Variants in NRG1 observed in about 807,000 individuals in gnomAD.
The protein encoded by NRG1 is neuregulin 1, also known as pro-neuregulin-1, membrane-bound isoform.
Under a neutral mutation model 63.8 loss-of-function variants are expected in NRG1, and 18 were observed. The observed-to-expected ratio is 0.28, with a 90% CI of 0.19 to 0.42. The LOEUF is 0.42. Among genes scored for constraint, NRG1 ranks in the 10% least tolerant of loss-of-function variants. The pLI is 1.00. For missense variants in NRG1, 762 were observed against 814.7 expected (o/e 0.94, Z 0.79); for synonymous variants, 302 against 301.3 (o/e 1.00, Z -0.02).
chr8:32,763,657 G>A lies in NRG1; in HGVS notation c.1260-91G>A, dbSNP rs1831105697. 4 of 1,285,232 alleles carry A rather than the reference G, an allele frequency of 3.1e-6. No individual in the cohort carries two copies. In the South Asian group the frequency reaches 6.0e-5, roughly 19 times the overall value. 79.6% of individuals were successfully genotyped at this position (1,285,232 alleles called of 1,614,324 possible). A position where few individuals can be genotyped will look rare whatever the true frequency, so the allele number is the denominator to read the frequency against. On this transcript the variant is annotated intron_variant, in intron 11 of 11. Coordinates refer to ENST00000356819, the Ensembl canonical transcript of NRG1. The stretch of plus-strand genomic sequence containing the variant: ...GAATAGAAATTCTCTGTTCTCTGAT[G>A]ATATAATACCGTGAACTCTGTCCCC...
chr8:31,665,796 C>T (rs1458097306), intron 1 of NRG1, among the ~76,000 whole-genome samples: 1 of 151,872 alleles, frequency 6.6e-6, no homozygotes. Context: ...GCGATATGAC[C>T]CAGGGCTCTC....
chr8:32,759,056 C>G (rs932821128), intron 9 of NRG1, among the ~76,000 whole-genome samples: 1 of 151,558 alleles, frequency 6.6e-6, no homozygotes, highest in Non-Finnish European at 1.5e-5. Flanking sequence ...AATGATGGGC[C>G]GTACATTGGA....
intron 1 of NRG1, among the ~76,000 whole-genome samples, chr8:31,982,408 A>T (rs747613551): frequency 2.9e-4 from 44 of 152,182 alleles, no homozygotes; most frequent in Non-Finnish European, 4.0e-4. Flanking sequence ...AGAAATTCTG[A>T]TCATTTAGAT....
chr8:31,858,480 C>T (rs1389619721), intron 1 of NRG1, among the ~76,000 whole-genome samples: 1 of 152,084 alleles, frequency 6.6e-6, no homozygotes, highest in Non-Finnish European at 1.5e-5. Flanking sequence ...GCAGCAACAA[C>T]AACAAACAAT....
chr8:31,964,570 C>A (rs1806008088), intron 1 of NRG1, among the ~76,000 whole-genome samples: 1 of 152,102 alleles, frequency 6.6e-6, no homozygotes, highest in East Asian at 1.9e-4. Flanking sequence ...GAGGCTGAGG[C>A]AGGAGGATCG....
chr8:31,648,548 T>C (rs1804530585), intron 1 of NRG1, among the ~76,000 whole-genome samples: 1 of 152,186 alleles, frequency 6.6e-6, no homozygotes. Context: ...CTATACCAAT[T>C]AAATTACAAC....
intron 1 of NRG1, among the ~76,000 whole-genome samples, chr8:31,969,114 G>T (rs1021252461): frequency 2.6e-5 from 4 of 152,204 alleles, no homozygotes; most frequent in African/African-American, 7.2e-5. Context: ...GACTTTTCCA[G>T]GAGTTTCCAC....
At chr8:32,043,013 T>A (rs916323650) in intron 1 of NRG1, among the ~76,000 whole-genome samples, 3 of 136,724 alleles carry the variant, frequency 2.2e-5, no homozygotes, top group African/African-American at 8.1e-5. Context: ...CAAACGTATA[T>A]AAACACCCTT....
rs768445005 is a variant in NRG1, at chr8:32,707,835, A to G, written c.503-20114A>G. Among the ~76,000 whole-genome samples, 217 of 152,120 alleles carry G rather than the reference A, an allele frequency of 1.4e-3. 3 individuals carry two copies. Among genetic ancestry groups the G allele is most frequent in the Non-Finnish European group, 2.2e-3 (150 of 67,904 alleles). On this transcript the variant is annotated intron_variant, in intron 5 of 11. Coordinates refer to ENST00000356819, the Ensembl canonical transcript of NRG1. ...ATGCTAGTCCAAACTTAAAAATAAGAATATTTAAGCCTGGTAAGCATCTTT... is the reference window on the plus strand; with the variant it reads ...ATGCTAGTCCAAACTTAAAAATAAGGATATTTAAGCCTGGTAAGCATCTTT...
chr8:32,452,201 A>G (rs1212080821), intron 1 of NRG1, among the ~76,000 whole-genome samples: 1 of 152,164 alleles, frequency 6.6e-6, no homozygotes, highest in Non-Finnish European at 1.5e-5. Flanking sequence ...ATAATAAGAC[A>G]ATGTTTGCCT....
At chr8:31,978,007 G>A (rs940056205) in intron 1 of NRG1, among the ~76,000 whole-genome samples, 6 of 151,928 alleles carry the variant, frequency 3.9e-5, no homozygotes, top group African/African-American at 1.4e-4. Flanking sequence ...TTAAGATGAG[G>A]GAATGCCCTC....
intron 1 of NRG1, among the ~76,000 whole-genome samples, chr8:32,542,746 CA>C (rs1470725367): frequency 6.6e-6 from 1 of 152,050 alleles, no homozygotes; most frequent in East Asian, 1.9e-4. Flanking sequence ...TCCTGGGAAG[CA>C]AAAAGTGACT....
At chr8:32,161,980 A>G (rs985786269) in intron 1 of NRG1, among the ~76,000 whole-genome samples, 8 of 152,220 alleles carry the variant, frequency 5.3e-5, no homozygotes, top group African/African-American at 1.9e-4. Flanking sequence ...GCTCAGGAAG[A>G]GGAAATAGAT....
At chr8:32,605,959 T>C (rs189194900) in intron 3 of NRG1, among the ~76,000 whole-genome samples, 3 of 152,022 alleles carry the variant, frequency 2.0e-5, no homozygotes, top group Non-Finnish European at 4.4e-5. Context: ...ATATAGGGGC[T>C]ATACTATTTT....
intron 1 of NRG1, among the ~76,000 whole-genome samples, chr8:32,451,022 A>AAAACC (rs1820886390): frequency 1.3e-5 from 2 of 152,206 alleles, no homozygotes; most frequent in African/African-American, 4.8e-5. Context: ...AAAACAAAAC[A>AAAACC]AAACAAACAG....
chr8:31,948,624 G>A (rs1212616290), intron 1 of NRG1, among the ~76,000 whole-genome samples: 1 of 152,156 alleles, frequency 6.6e-6, no homozygotes, highest in Non-Finnish European at 1.5e-5. Flanking sequence ...ATGACTAAGG[G>A]AGGATTTCAG....
At chr8:32,481,211 G>A (rs1237663913) in intron 1 of NRG1, among the ~76,000 whole-genome samples, 1 of 151,916 alleles carries the variant, frequency 6.6e-6, no homozygotes, top group Non-Finnish European at 1.5e-5. Flanking sequence ...GGTATGTGGG[G>A]GGTGCACAGG....
chr8:32,184,854 T>C (rs1180495761), intron 1 of NRG1, among the ~76,000 whole-genome samples: 1 of 152,170 alleles, frequency 6.6e-6, no homozygotes, highest in Non-Finnish European at 1.5e-5. Flanking sequence ...AAAGTTAAGA[T>C]ACCTAGGTTG....
chr8:32,763,750 A>G, exon 12 of NRG1: 1 of 1,545,104 alleles, frequency 6.5e-7, no homozygotes, highest in Non-Finnish European at 8.7e-7. Context: ...TCACACAGGT[A>G]TGTGTCAGCC....
Sources: gnomAD v4.1 joint callset for allele counts (sites outside exome capture counted in the v4.1 genomes callset) on GRCh38, gnomAD v4.1.1 for gene constraint, MANE v1.5 for transcripts, NCBI Gene and HGNC (gene_info 2026-07-23, HGNC 2026-07-21) for gene names.